DBT: variants seen among roughly 807,000 people sequenced by gnomAD.
DBT encodes the protein dihydrolipoamide branched chain transacylase E2.
DBT carries 40 observed loss-of-function variants against 51.3 expected under a neutral mutation model. The observed-to-expected ratio is 0.78, with a 90% CI of 0.61 to 1.02. DBT has a LOEUF of 1.02. DBT is among the 50% of genes least tolerant of loss of function. The pLI, the probability that DBT is intolerant of heterozygous loss-of-function variation, is 0.00. For synonymous variants in DBT, 181 were observed against 190.4 expected (o/e 0.95, Z 0.41); for missense variants, 510 against 580.2 (o/e 0.88, Z 1.24).
At chr1:100,224,870 CTGGGTG>C (rs1663077059) in intron 4 of DBT, among the ~76,000 whole-genome samples, 1 of 150,914 alleles carries the variant, frequency 6.6e-6, no homozygotes, top group African/African-American at 2.4e-5. Flanking sequence ...TGAAAATTAG[CTGGGTG>C]TGGTGGTGCA....
At chr1:100,211,274 T>C (rs1662120768) in intron 7 of DBT, 1 of 624,696 alleles carries the variant, frequency 1.6e-6, no homozygotes, top group South Asian at 2.0e-5. Flanking sequence ...CCTGAACATT[T>C]ACTTTACAGC....
intron 1 of DBT, among the ~76,000 whole-genome samples, chr1:100,244,746 T>C (rs945094386): frequency 1.6e-4 from 24 of 151,708 alleles, no homozygotes; most frequent in African/African-American, 4.6e-4. Context: ...ATAGAAAAAT[T>C]ATAATAATAT....
chr1:100,245,679 G>A (rs1480987004), intron 1 of DBT, among the ~76,000 whole-genome samples: 1 of 152,218 alleles, frequency 6.6e-6, no homozygotes, highest in Non-Finnish European at 1.5e-5. Context: ...TCAGCCAGGT[G>A]CAGTGACTCA....
chr1:100,208,873 G>A (rs1332329634), intron 8 of DBT, among the ~76,000 whole-genome samples: 3 of 128,718 alleles, frequency 2.3e-5, no homozygotes, highest in African/African-American at 9.0e-5. Flanking sequence ...TCTCTATGGG[G>A]AATACTTTAG....
intron 7 of DBT, among the ~76,000 whole-genome samples, chr1:100,212,798 A>C (rs1261131294): frequency 6.6e-6 from 1 of 152,230 alleles, no homozygotes; most frequent in Non-Finnish European, 1.5e-5. Context: ...TGTGTATTCC[A>C]GCAATTATGG....
intron 9 of DBT, 52 bp downstream of exon 9, chr1:100,206,393 T>A: frequency 6.4e-7 from 1 of 1,559,264 alleles, no homozygotes; most frequent in Non-Finnish European, 8.8e-7. Flanking sequence ...TAATTAAGCA[T>A]ATGATCAGAA....
chr1:100,238,762 A>C (rs1338995067), intron 2 of DBT, among the ~76,000 whole-genome samples: 1 of 152,188 alleles, frequency 6.6e-6, no homozygotes, highest in Non-Finnish European at 1.5e-5. Context: ...CAGAAGGAAA[A>C]GAGATTTGTA....
rs531936234 is a variant in DBT at position 100,223,270 on chromosome 1, A to G, written c.434-4523T>C. Among the ~76,000 whole-genome samples, 8 of 152,378 alleles carry G rather than the reference A, an allele frequency of 5.3e-5. No individual in the cohort carries two copies. The South Asian group carries it at 8.3e-4, about 16-fold the overall frequency. ...GCTTAGTTGTTTAGAAAAGTGAGGA[A>G]TCATTTTACTGCATTAAATAAATAG... On this transcript the variant is annotated intron_variant, in intron 4 of 10. Coordinates refer to ENST00000370132, the MANE Select transcript of DBT (RefSeq NM_001918.5).
Position 100,230,840 on chromosome 1 carries a change from G to T in DBT, c.326C>A (p.Thr109Asn), listed in dbSNP as rs754456111. ...GACTCCATCATAACGACTAGTGATG[G>T]TAACAGAAGCTTTATCACTTTGAAC... Reference protein sequence around the residue: ...CEVQSDKASVTITSRYDGVIK... With the variant: ...CEVQSDKASVNITSRYDGVIK... Residue 109 changes from threonine (T) to asparagine (N), a missense_variant, in exon 4 of 11, where the codon ACC (threonine) becomes AAC (asparagine). Physicochemically the swap from Thr to Asn is moderately conservative, Grantham distance 65. Transcript: ENST00000370132. 6.9e-6 allele frequency: 11 copies of T among 1,605,454 alleles called. No individual in the cohort carries two copies. Among genetic ancestry groups the T allele is most frequent in the Non-Finnish European group, 9.4e-6 (11 of 1,172,292 alleles).
At chr1:100,197,643 T>C (rs887542171) in intron 10 of DBT, among the ~76,000 whole-genome samples, 6 of 152,046 alleles carry the variant, frequency 3.9e-5, no homozygotes, top group African/African-American at 1.4e-4. Context: ...TTAGGAGGTA[T>C]GGGTAAAGGA....
chr1:100,225,076 C>T lies in DBT; in HGVS notation c.433+5657G>A, dbSNP rs1473638114. 6.7e-4 allele frequency among the ~76,000 whole-genome samples: 92 copies of T among 136,666 alleles called. 2 individuals are homozygous for T. Among genetic ancestry groups the T allele is most frequent in the South Asian group, 1.4e-3 (6 of 4,240 alleles). 89.7% of individuals were successfully genotyped at this position (136,666 alleles called of 152,430 possible). A position where few individuals can be genotyped will look rare whatever the true frequency, so the allele number is the denominator to read the frequency against. ...ATACACACACACACACACACACACA[C>T]ACACACACACACACACACATATAAT... On this transcript the variant is annotated intron_variant, in intron 4 of 10. Transcript: ENST00000370132.
chr1:100,212,073 A>G (rs369857069), intron 7 of DBT, among the ~76,000 whole-genome samples: 7 of 152,280 alleles, frequency 4.6e-5, no homozygotes, highest in East Asian at 3.9e-4. Flanking sequence ...CGCCCAGCCA[A>G]CTTGAAAGTT....
intron 10 of DBT, among the ~76,000 whole-genome samples, chr1:100,201,372 G>T (rs1661426546): frequency 6.6e-6 from 1 of 151,250 alleles, no homozygotes; most frequent in African/African-American, 2.4e-5. Flanking sequence ...TGAGAAGGAA[G>T]GAACAAAGCC....
At chr1:100,199,907 C>G (rs952052554) in intron 10 of DBT, among the ~76,000 whole-genome samples, 2 of 152,154 alleles carry the variant, frequency 1.3e-5, no homozygotes, top group Non-Finnish European at 2.9e-5. Context: ...TCCGACAGAC[C>G]AGGATATTCC....
chr1:100,214,731 G>A, intron 7 of DBT, 86 bp downstream of exon 7: 1 of 1,398,286 alleles, frequency 7.2e-7, no homozygotes, highest in South Asian at 1.2e-5. Flanking sequence ...TCCAGCCTGG[G>A]TGACAAGAGC....
At chr1:100,240,640 C>T in intron 2 of DBT, 121 bp downstream of exon 2, 1 of 802,282 alleles carries the variant, frequency 1.2e-6, no homozygotes, top group Non-Finnish European at 2.2e-6. Flanking sequence ...TGGGAAGGGC[C>T]CGGCTAGAAA....
At position 100,217,709 on chromosome 1, in the gene DBT, C is replaced by G. The variant is rs182552122; in HGVS notation, c.555+917G>C. Among the ~76,000 whole-genome samples the G allele has an allele frequency of 4.5e-4, 68 of 152,318 alleles. 2 individuals carry two copies. The highest frequency in any genetic ancestry group is 3.7e-3 in the Admixed American group (56 of 15,306). On this transcript the variant is annotated intron_variant, in intron 5 of 10. Coordinates refer to ENST00000370132, the MANE Select transcript of DBT (RefSeq NM_001918.5). ...AAAGTATTCAGGTTTCAGAACCAGA[C>G]AGATTTGTGTTCAAATCCCTAGTTC...
At chr1:100,215,898 C>G in intron 6 of DBT, 85 bp downstream of exon 6, 2 of 845,838 alleles carry the variant, frequency 2.4e-6, no homozygotes, top group Non-Finnish European at 4.1e-6. Flanking sequence ...TTGAAAACAC[C>G]ATATTATATA....
intron 10 of DBT, among the ~76,000 whole-genome samples, chr1:100,199,908 A>G (rs1661341548): frequency 6.6e-6 from 1 of 152,198 alleles, no homozygotes; most frequent in Non-Finnish European, 1.5e-5. Context: ...CCGACAGACC[A>G]GGATATTCCC....
Sources: gnomAD v4.1 joint callset for allele counts (sites outside exome capture counted in the v4.1 genomes callset) on GRCh38, gnomAD v4.1.1 for gene constraint, MANE v1.5 for transcripts, NCBI Gene and HGNC (gene_info 2026-07-23, HGNC 2026-07-21) for gene names.